PTPRD: variants seen among roughly 807,000 people sequenced by gnomAD.
PTPRD encodes protein tyrosine phosphatase receptor type D.
In PTPRD, 34 loss-of-function variants were observed where a neutral mutation model predicts 214.5. That is an observed-to-expected ratio of 0.16 (90% CI 0.12 to 0.21). PTPRD has a LOEUF of 0.21. PTPRD is among the 10% of genes least tolerant of loss of function. The probability of loss-of-function intolerance (pLI) is 1.00; values close to 1 mark genes in which losing one functional copy is unlikely to be tolerated. For synonymous variants in PTPRD, 1,128 were observed against 845.7 expected (o/e 1.33, Z -5.79); for missense variants, 2,545 against 2,398.7 (o/e 1.06, Z -1.27).
chr9:9,532,734 G>A (rs1309589606), intron 8 of PTPRD, among the ~76,000 whole-genome samples: 1 of 152,106 alleles, frequency 6.6e-6, no homozygotes, highest in Non-Finnish European at 1.5e-5. Context: ...TTTCAGGAAG[G>A]CTTCCATTTC....
In PTPRD at chr9:8,744,720, C is replaced by G. The variant is rs539710315; in HGVS notation, c.-103-10774G>C. Among the ~76,000 whole-genome samples the G allele has an allele frequency of 9.5e-4, 144 of 152,276 alleles. 1 individual carries two copies. Among genetic ancestry groups the G allele is most frequent in the Middle Eastern group, 3.4e-3 (1 of 294 alleles). ...GTGTACACTGCTTGGGCGATGGGTG[C>G]ACCAAAATCTCAGAAATCACCGCTA... On this transcript the variant is annotated intron_variant, in intron 11 of 45. Transcript: ENST00000381196.
chr9:9,449,988 G>C (rs7028893), intron 8 of PTPRD, among the ~76,000 whole-genome samples: 226 of 151,956 alleles, frequency 1.5e-3, no homozygotes, highest in African/African-American at 5.1e-3. Context: ...ACGATATTTG[G>C]TTTTCCATTC....
At position 8,384,524 on chromosome 9, in the gene PTPRD, T is replaced by C. The variant is rs114075637; in HGVS notation, c.4386+4708A>G. Among the ~76,000 whole-genome samples the C allele has an allele frequency of 1.7e-3, 253 of 152,230 alleles. 1 individual carries two copies. Among genetic ancestry groups the C allele is most frequent in the African/African-American group, 6.0e-3 (248 of 41,564 alleles). ...CCTTCAAAATCTCCAGCTTCTATCATTGTTTTTTTGTTTTTGTTTTGAGAT... is the reference window on the plus strand; with the variant it reads ...CCTTCAAAATCTCCAGCTTCTATCACTGTTTTTTTGTTTTTGTTTTGAGAT... On this transcript the variant is annotated intron_variant, in intron 37 of 45. Transcript: ENST00000381196.
chr9:10,540,176 T>A (rs1051616952), intron 2 of PTPRD, among the ~76,000 whole-genome samples: 2 of 152,218 alleles, frequency 1.3e-5, no homozygotes, highest in African/African-American at 4.8e-5. Flanking sequence ...ACAACTGGCG[T>A]GCACCACTAT....
intron 12 of PTPRD, among the ~76,000 whole-genome samples, chr9:8,725,399 G>T (rs1482928294): frequency 1.3e-5 from 2 of 152,134 alleles, no homozygotes; most frequent in Admixed American, 1.3e-4. Flanking sequence ...CTTGGCACGG[G>T]AAATGTGTCC....
intron 3 of PTPRD, among the ~76,000 whole-genome samples, chr9:10,313,312 T>C (rs1287972104): frequency 6.6e-6 from 1 of 151,612 alleles, no homozygotes; most frequent in Non-Finnish European, 1.5e-5. Context: ...CATAATTATA[T>C]ATTTGAAGAA....
intron 11 of PTPRD, among the ~76,000 whole-genome samples, chr9:8,793,460 G>C (rs1429639974): frequency 2.0e-5 from 3 of 152,168 alleles, no homozygotes; most frequent in Non-Finnish European, 4.4e-5. Context: ...AGCTTCATGA[G>C]AGACTCTGAG....
Position 9,050,075 on chromosome 9 carries a change from G to A in PTPRD, c.-142-31340C>T, listed in dbSNP as rs1209442597. ...CATTACTTATCATCTATGTGTGCTTGTGCAATTTATTGCCCATGCAATTTA... is the reference window on the plus strand; with the variant it reads ...CATTACTTATCATCTATGTGTGCTTATGCAATTTATTGCCCATGCAATTTA... On this transcript the variant is annotated intron_variant, in intron 10 of 45. Transcript: ENST00000381196. Among the ~76,000 whole-genome samples the A allele has an allele frequency of 2.0e-5, 3 of 152,152 alleles. 1 individual carries two copies. Among genetic ancestry groups the A allele is most frequent in the South Asian group, 4.1e-4 (2 of 4,830 alleles).
At chr9:8,516,606 T>G (rs1173401769) in intron 21 of PTPRD, among the ~76,000 whole-genome samples, 1 of 152,056 alleles carries the variant, frequency 6.6e-6, no homozygotes, top group Non-Finnish European at 1.5e-5. Context: ...CTGAGAAAAT[T>G]TATTAATTCA....
chr9:8,460,713 G>A (rs746081583), intron 32 of PTPRD, 142 bp from the exon 33 acceptor site: 67 of 737,394 alleles, frequency 9.1e-5, no homozygotes, highest in Non-Finnish European at 1.3e-4. Flanking sequence ...ACAGAGGGGA[G>A]GGGAGAGGAG....
intron 8 of PTPRD, among the ~76,000 whole-genome samples, chr9:9,505,433 C>T (rs1466478693): frequency 1.3e-5 from 2 of 151,442 alleles, no homozygotes; most frequent in Non-Finnish European, 3.0e-5. Flanking sequence ...ATTTAGAATC[C>T]ACAGATTAGA....
intron 12 of PTPRD, among the ~76,000 whole-genome samples, chr9:8,691,813 T>G (rs1214776047): frequency 6.6e-6 from 1 of 152,192 alleles, no homozygotes; most frequent in African/African-American, 2.4e-5. Flanking sequence ...AAAAGCAACT[T>G]TATGCAACTT....
intron 11 of PTPRD, among the ~76,000 whole-genome samples, chr9:8,862,671 C>A (rs1250003887): frequency 6.6e-6 from 1 of 152,174 alleles, no homozygotes; most frequent in African/African-American, 2.4e-5. Flanking sequence ...TTTATGCTTT[C>A]TTTTTCCACG....
intron 7 of PTPRD, among the ~76,000 whole-genome samples, chr9:9,631,581 G>A (rs111374420): frequency 1.3e-5 from 2 of 152,154 alleles, no homozygotes; most frequent in South Asian, 2.1e-4. Context: ...TGTATTACAA[G>A]AGAAAATACA....
intron 3 of PTPRD, among the ~76,000 whole-genome samples, chr9:10,316,602 T>C (rs946088407): frequency 6.6e-6 from 1 of 152,008 alleles, no homozygotes; most frequent in African/African-American, 2.4e-5. Context: ...ACTATGGTTT[T>C]ATGTTCAAAG....
intron 10 of PTPRD, among the ~76,000 whole-genome samples, chr9:9,042,822 C>T (rs1352415034): frequency 6.6e-6 from 1 of 151,908 alleles, no homozygotes. Context: ...AGCTGATTTC[C>T]TGGACTTTGA....
intron 3 of PTPRD, among the ~76,000 whole-genome samples, chr9:10,221,423 G>C (rs10958951): frequency 0.084 from 12,826 of 151,850 alleles, 693 homozygotes; most frequent in Non-Finnish European, 0.12. Context: ...TTTCCTAAGG[G>C]ATTTTTTAAG....
At chr9:10,263,688 A>C (rs1435615586) in intron 3 of PTPRD, among the ~76,000 whole-genome samples, 2 of 152,200 alleles carry the variant, frequency 1.3e-5, no homozygotes, top group African/African-American at 4.8e-5. Context: ...AGACAAGCAA[A>C]ATCCATTTTC....
At chr9:9,239,967 C>A (rs1158834360) in intron 9 of PTPRD, among the ~76,000 whole-genome samples, 1 of 152,122 alleles carries the variant, frequency 6.6e-6, no homozygotes, top group Non-Finnish European at 1.5e-5. Flanking sequence ...TTCAGAGTCT[C>A]AGAGGCCTTG....
Sources: allele counts gnomAD v4.1 joint callset (sites outside exome capture counted in the v4.1 genomes callset), GRCh38; gene constraint gnomAD v4.1.1; transcripts MANE v1.5; gene names NCBI Gene and HGNC (gene_info 2026-07-23, HGNC 2026-07-21).